The following NOTCH1 variants were observed in gnomAD, a reference collection of about 807,000 sequenced individuals.
The protein encoded by NOTCH1 is notch receptor 1, also known as neurogenic locus notch homolog protein 1.
NOTCH1 carries 37 observed loss-of-function variants against 254.8 expected under a neutral mutation model. That is an observed-to-expected ratio of 0.15 (90% CI 0.11 to 0.19). The LOEUF (loss-of-function observed/expected upper bound fraction) is 0.19, where lower values mean the gene tolerates loss of function less well. NOTCH1 is among the 10% of genes least tolerant of loss of function. The probability of loss-of-function intolerance (pLI) is 1.00; values close to 1 mark genes in which losing one functional copy is unlikely to be tolerated. For missense variants in NOTCH1, 2,972 were observed against 3,708.6 expected, an observed-to-expected ratio of 0.80 and a Z score of 5.16; for synonymous variants, 1,731 against 1,618.1, an observed-to-expected ratio of 1.07 and a Z score of -1.68.
chr9:136,510,998 T>TA (rs1843172920), intron 16 of NOTCH1, among the ~76,000 whole-genome samples, 154 bp downstream of exon 16: 1 of 152,156 alleles, frequency 6.6e-6, no homozygotes, highest in African/African-American at 2.4e-5. Context: ...TGCTCCCAGG[T>TA]CAATTCCTGA....
chr9:136,545,226 G>A lies in NOTCH1; in HGVS notation c.61+500C>T, dbSNP rs1233751310. On this transcript the variant is annotated intron_variant, in intron 1 of 33. Transcript: ENST00000651671. The surrounding 1 kb of genome is among the most constrained non-coding windows in gnomAD (Gnocchi z 6.8). Reference sequence around the variant, plus strand: ...ACCGGGAGCCCGGGGACCCAGCCCGGCCGCGCGGGTCAGTGAAGGCGAACG... The same window carrying A: ...ACCGGGAGCCCGGGGACCCAGCCCGACCGCGCGGGTCAGTGAAGGCGAACG... 6.6e-6 allele frequency among the ~76,000 whole-genome samples: 1 copy of A among 152,074 alleles called. No individual in the cohort carries two copies. Among genetic ancestry groups the A allele is most frequent in the Non-Finnish European group, 1.5e-5 (1 of 67,984 alleles).
chr9:136,515,459 C>T (rs1489959755), intron 11 of NOTCH1, 24 bp downstream of exon 11: 1 of 1,611,558 alleles, frequency 6.2e-7, no homozygotes, highest in Non-Finnish European at 8.5e-7. Context: ...TGGCCCCCCG[C>T]CGGCCACCCG....
chr9:136,523,921 G>A lies in NOTCH1; in HGVS notation c.199C>T (p.Pro67Ser), dbSNP rs2133379665. 1 of 1,596,746 alleles carries A rather than the reference G, an allele frequency of 6.3e-7. No homozygotes were observed. The highest frequency in any genetic ancestry group is 8.5e-7 in the Non-Finnish European group (1 of 1,172,302). ...CQDPNPCLSTPCKNAGTCHVV... is the reference protein window; with the variant it reads ...CQDPNPCLSTSCKNAGTCHVV... ...TGGCATGTCCCGGCGTTCTTGCAGGGGGTGCTGAGGCACGGGTTGGGGTCC... is the reference window on the plus strand; with the variant it reads ...TGGCATGTCCCGGCGTTCTTGCAGGAGGTGCTGAGGCACGGGTTGGGGTCC... The change falls in exon 3 of 34, where the codon CCC becomes TCC. Residue 67 changes from proline to serine, a missense_variant. This residue lies in a region of NOTCH1 where 374 missense variants were observed against 496.3 expected (regional missense o/e 0.75). Transcript: ENST00000651671.
chr9:136,511,698 C>A (rs1048532485), intron 15 of NOTCH1, among the ~76,000 whole-genome samples: 1 of 152,126 alleles, frequency 6.6e-6, no homozygotes, highest in African/African-American at 2.4e-5. Context: ...GGCCTGAGAC[C>A]GAGGCCTGAA....
At chr9:136,510,115 C>T (rs1252114661) in intron 17 of NOTCH1, among the ~76,000 whole-genome samples, 154 bp from the exon 18 acceptor site, 1 of 152,210 alleles carries the variant, frequency 6.6e-6, no homozygotes, top group African/African-American at 2.4e-5. Context: ...GTGGGGAGCC[C>T]CAGCACCCAC....
At chr9:136,528,200 G>A (rs1843499100) in intron 2 of NOTCH1, among the ~76,000 whole-genome samples, 1 of 148,850 alleles carries the variant, frequency 6.7e-6, no homozygotes, top group South Asian at 2.2e-4. Context: ...GCAGGGCCAG[G>A]GATGGGGGCA....
At chr9:136,543,952 C>T (rs991240226) in intron 2 of NOTCH1, 72 bp downstream of exon 2, 1 of 1,373,016 alleles carries the variant, frequency 7.3e-7, no homozygotes, top group Admixed American at 2.0e-5. Flanking sequence ...AGTGTTCTGT[C>T]CCCTGCGCGG....
rs557147156 is a variant in NOTCH1, at chr9:136,523,550, G to A, written c.403+167C>T. ...TGGGCCAGAGCAAGCAGCTGAAAAC[G>A]AGGCGATTCCAGGTCTGGGAGGGGG... On this transcript the variant is annotated intron_variant, in intron 3 of 33. Transcript: ENST00000651671. Among the ~76,000 whole-genome samples the A allele has an allele frequency of 3.3e-5, 5 of 152,324 alleles. No homozygotes were observed. In the South Asian group the frequency reaches 6.2e-4, roughly 19 times the overall value.
Position 136,514,645 on chromosome 9 carries a change from C to T in NOTCH1, c.2072G>A (p.Gly691Asp), listed in dbSNP as rs1843234217. 6.2e-7 allele frequency: 1 copy of T among 1,612,362 alleles called. No individual in the cohort carries two copies. Among genetic ancestry groups the T allele is most frequent in the Non-Finnish European group, 8.5e-7 (1 of 1,179,824 alleles). Residue 691 changes from glycine (G) to aspartate (D), a missense_variant, in exon 13 of 34, where the codon GGC becomes GAC. Physicochemically the swap from Gly to Asp is moderately conservative, Grantham distance 94. Around this residue, in one of 8 missense-constraint regions of NOTCH1, gnomAD observed 1,343 missense variants for 1,557.0 expected, o/e 0.86. Coordinates refer to ENST00000651671, the MANE Select transcript of NOTCH1 (RefSeq NM_017617.5). ...GCCATTGATGCCGTCCTCGCAGGTG[C>T]CCCCGTTGTGGCAGGGGTTGCCCGC... ...ECAGNPCHNG[G>D]TCEDGINGFT...
intron 2 of NOTCH1, among the ~76,000 whole-genome samples, chr9:136,541,999 C>T (rs1338687225): frequency 1.3e-5 from 2 of 152,244 alleles, no homozygotes; most frequent in Non-Finnish European, 2.9e-5. Flanking sequence ...AAGCCATGGT[C>T]GGCGGCCTGC....
At chr9:136,522,195 T>C (rs1028363796) in intron 4 of NOTCH1, among the ~76,000 whole-genome samples, 12 of 152,120 alleles carry the variant, frequency 7.9e-5, no homozygotes, top group African/African-American at 1.2e-4. Flanking sequence ...GCCAGGATGG[T>C]CTCCATCTCC....
Position 136,496,616 on chromosome 9 carries a change from T to C in NOTCH1, c.7123A>G (p.Thr2375Ala), listed in dbSNP as rs750601168. 3 of 1,612,968 alleles carry C rather than the reference T, an allele frequency of 1.9e-6. 1 individual carries two copies. In the South Asian group the frequency reaches 3.3e-5, roughly 18 times the overall value. ...TGGGTCTGCACCAGGTGAGGCTGGG[T>C]GGCCAGCCGGGTGCTGGGCAGGCCC... is the stretch of plus-strand genomic sequence containing the variant. ...YQGLPSTRLA[T>A]QPHLVQTQQV... Residue 2375 changes from threonine (T) to alanine (A), a missense_variant, in exon 34 of 34, where the codon ACC (threonine) becomes GCC (alanine). Thr to Ala is a moderately conservative substitution (Grantham distance 58). Transcript: ENST00000651671.
At chr9:136,527,863 C>T (rs1405422094) in intron 2 of NOTCH1, among the ~76,000 whole-genome samples, 6 of 152,230 alleles carry the variant, frequency 3.9e-5, no homozygotes, top group South Asian at 2.1e-4. Context: ...CAAGTGGCCC[C>T]GGCGCCTGCT....
chr9:136,539,259 C>T (rs550838258), intron 2 of NOTCH1, among the ~76,000 whole-genome samples: 5 of 152,354 alleles, frequency 3.3e-5, no homozygotes, highest in African/African-American at 9.6e-5. Flanking sequence ...GGGCCTGCCC[C>T]AAGGAGCCAG....
intron 26 of NOTCH1, 86 bp downstream of exon 26, chr9:136,504,586 TG>T: frequency 7.4e-7 from 1 of 1,350,060 alleles, no homozygotes; most frequent in Non-Finnish European, 9.8e-7. Flanking sequence ...CTGCTTGCCA[TG>T]GCGCCGGCCG....
rs1209244982 is a variant in NOTCH1 at position 136,499,103 on chromosome 9, T to C, written c.6082+9A>G. ...CCACGACAGAGCAGCCGTGCCCCCG[T>C]GGGCTCACCCAGGTCATCTACGGCG... is the stretch of plus-strand genomic sequence containing the variant. On this transcript the variant is annotated intron_variant, in intron 32 of 33. Coordinates refer to ENST00000651671, the MANE Select transcript of NOTCH1 (RefSeq NM_017617.5). 3.1e-6 allele frequency: 5 copies of C among 1,613,042 alleles called. No individual in the cohort carries two copies. In the East Asian group the frequency reaches 8.9e-5, roughly 29 times the overall value.
At position 136,517,774 on chromosome 9, in the gene NOTCH1, C is replaced by T. The variant is rs1843299966; in HGVS notation, c.1419G>A (p.Glu473=). The T allele has an allele frequency of 1.9e-6, 3 of 1,612,610 alleles. No homozygotes were observed. In the East Asian group the frequency reaches 6.7e-5, roughly 36 times the overall value. ...NDATCLDQIG[E]FQCICMPGYE... ...CACCGGGCATGCAGATGCACTGGAA[C>T]TCCCCAATCTGGTCCAGGCAGGTGG... is the stretch of plus-strand genomic sequence containing the variant. Residue 473 remains glutamate (E), a synonymous_variant, in exon 8 of 34, where the codon GAG becomes GAA. Transcript: ENST00000651671.
Position 136,515,281 on chromosome 9 carries a change from G to A in NOTCH1, c.2014+9C>T, listed in dbSNP as rs1204123242. 1 of 1,611,598 alleles carries A rather than the reference G, an allele frequency of 6.2e-7. No homozygotes were observed. Among genetic ancestry groups the A allele is most frequent in the African/African-American group, 1.3e-5 (1 of 75,054 alleles). On this transcript the variant is annotated intron_variant, in intron 12 of 33. Transcript: ENST00000651671. ...AGTGCAGTCAGCCCCCACGTGCAGG[G>A]CCGCTCACCTGTGTAGCCCGGCTCA...
In NOTCH1 at chr9:136,509,958, G is replaced by A. The variant is rs755058802; in HGVS notation, c.2744C>T (p.Pro915Leu). The change falls in exon 18 of 34, where the codon CCG (proline) becomes CTG (leucine). Residue 915 changes from proline to leucine, a missense_variant. By Grantham distance (98) the Pro-to-Leu change is moderately conservative. Around this residue, in one of 8 missense-constraint regions of NOTCH1, gnomAD observed 1,343 missense variants for 1,557.0 expected, o/e 0.86. Coordinates refer to ENST00000651671, the MANE Select transcript of NOTCH1 (RefSeq NM_017617.5). ...TGTGCAGGAGCCCCCGTTGTGACAC[G>A]GGTCTGGGAGAGGACGGAAGGGTGA... ...ETDIDDCRPNPCHNGGSCTDG... is the reference protein window; with the variant it reads ...ETDIDDCRPNLCHNGGSCTDG... The A allele has an allele frequency of 1.1e-5, 17 of 1,612,708 alleles. No homozygotes were observed. Among genetic ancestry groups the A allele is most frequent in the African/African-American group, 9.3e-5 (7 of 74,936 alleles).
Sources: allele counts gnomAD v4.1 joint callset (sites outside exome capture counted in the v4.1 genomes callset), GRCh38; gene constraint gnomAD v4.1.1; regional missense constraint gnomAD v4.1.1; non-coding constraint Gnocchi (gnomAD v3.1); transcripts MANE v1.5; gene names NCBI Gene and HGNC (gene_info 2026-07-23, HGNC 2026-07-21).